The following EFCAB13 variants were observed in gnomAD, a reference collection of about 807,000 sequenced individuals.
The protein encoded by EFCAB13 is EF-hand calcium binding domain 13.
EFCAB13 carries 91 observed loss-of-function variants against 110.2 expected under a neutral mutation model. That is an observed-to-expected ratio of 0.83 (90% CI 0.70 to 0.98). EFCAB13 has a LOEUF of 0.98. EFCAB13 is among the 50% of genes least tolerant of loss of function. EFCAB13 has a pLI of 0.00. For missense variants in EFCAB13, 968 were observed against 1,119.4 expected (o/e 0.86, Z 1.93); for synonymous variants, 323 against 369.9 (o/e 0.87, Z 1.45).
intron 11 of EFCAB13, among the ~76,000 whole-genome samples, chr17:47,371,495 G>A (rs1441056997): frequency 6.6e-6 from 1 of 152,158 alleles, no homozygotes; most frequent in African/African-American, 2.4e-5. Flanking sequence ...CCTTTCCTCA[G>A]TGTATATTCT....
chr17:47,385,220 A>C (rs2065669904), intron 14 of EFCAB13, among the ~76,000 whole-genome samples: 1 of 152,092 alleles, frequency 6.6e-6, no homozygotes, highest in African/African-American at 2.4e-5. Flanking sequence ...TCTCCCAGAT[A>C]ATATCCTGAA....
At chr17:47,429,593 C>G (rs1905066587) in intron 23 of EFCAB13, among the ~76,000 whole-genome samples, 2 of 152,178 alleles carry the variant, frequency 1.3e-5, no homozygotes, top group African/African-American at 4.8e-5. Flanking sequence ...CATTTGTAAT[C>G]TGGTAAAGTG....
intron 24 of EFCAB13, among the ~76,000 whole-genome samples, chr17:47,432,271 G>A (rs371434851): frequency 8.0e-4 from 122 of 152,078 alleles, no homozygotes; most frequent in East Asian, 6.9e-3. Flanking sequence ...GGTGGCGGGC[G>A]CCTGTAGTCC....
At chr17:47,368,612 T>A (rs1268938103) in intron 10 of EFCAB13, among the ~76,000 whole-genome samples, 27 of 152,172 alleles carry the variant, frequency 1.8e-4, no homozygotes, top group Admixed American at 1.8e-3. Context: ...AGAGATGTTG[T>A]CAATGTTTAT....
chr17:47,393,755 AAAAT>A (rs1555583993), intron 15 of EFCAB13, among the ~76,000 whole-genome samples: 1 of 117,952 alleles, frequency 8.5e-6, no homozygotes, highest in Admixed American at 9.0e-5. Flanking sequence ...TAAATAAATA[AAAAT>A]AAAAATAAAT....
intron 8 of EFCAB13, 74 bp downstream of exon 8, chr17:47,345,172 G>C: frequency 9.4e-7 from 1 of 1,062,424 alleles, no homozygotes; most frequent in South Asian, 1.5e-5. Flanking sequence ...TCAGCAGTTA[G>C]TGCCTCTTCA....
chr17:47,367,211 AT>A (rs2065551938), intron 10 of EFCAB13, among the ~76,000 whole-genome samples: 1 of 152,186 alleles, frequency 6.6e-6, no homozygotes, highest in African/African-American at 2.4e-5. Flanking sequence ...TTTAGCACCA[AT>A]TTTGTCTAGC....
At chr17:47,359,621 AT>A (rs202244723) in intron 9 of EFCAB13, among the ~76,000 whole-genome samples, 12,909 of 145,336 alleles carry the variant, frequency 0.089, 793 homozygotes, top group East Asian at 0.35. Flanking sequence ...TTTTTTTTCA[AT>A]TTTTTTTTTA....
chr17:47,373,623 G>A (rs990028372), intron 11 of EFCAB13, among the ~76,000 whole-genome samples: 1 of 152,126 alleles, frequency 6.6e-6, no homozygotes, highest in Non-Finnish European at 1.5e-5. Context: ...AATCAGAAGT[G>A]TCAAAGATTA....
chr17:47,342,011 A>G lies in EFCAB13; in HGVS notation c.282A>G (p.Gln94=). 3.8e-6 allele frequency: 6 copies of G among 1,587,536 alleles called. No homozygotes were observed. Among genetic ancestry groups the G allele is most frequent in the Non-Finnish European group, 3.4e-6 (4 of 1,167,820 alleles). ...KKVGRKSLQV[Q]QHSKRTEIIP... ...TTGGGAGAAAGAGTTTACAAGTACA[A>G]CAGCACAGTAAAAGAACTGAGGTAA... is the stretch of plus-strand genomic sequence containing the variant. Residue 94 remains glutamine (Q), a synonymous_variant, in exon 6 of 25, where the codon CAA becomes CAG. Coordinates refer to ENST00000331493, the MANE Select transcript of EFCAB13 (RefSeq NM_152347.5).
intron 18 of EFCAB13, among the ~76,000 whole-genome samples, chr17:47,402,753 A>G (rs934873510): frequency 1.3e-5 from 2 of 152,212 alleles, no homozygotes; most frequent in Non-Finnish European, 2.9e-5. Context: ...CAAAGTGCCA[A>G]AATCCTCAGA....
intron 14 of EFCAB13, among the ~76,000 whole-genome samples, chr17:47,388,045 C>G (rs577077831): frequency 3.3e-5 from 5 of 152,318 alleles, no homozygotes; most frequent in African/African-American, 1.2e-4. Context: ...CAGTGTGGTA[C>G]TGCTGAACAG....
intron 9 of EFCAB13, among the ~76,000 whole-genome samples, chr17:47,360,264 T>G (rs1165982140): frequency 6.6e-6 from 1 of 152,142 alleles, no homozygotes; most frequent in African/African-American, 2.4e-5. Context: ...TGTTCCTATT[T>G]CTCCACATCC....
intron 21 of EFCAB13, among the ~76,000 whole-genome samples, chr17:47,412,055 C>T (rs936103924): frequency 6.6e-6 from 1 of 152,218 alleles, no homozygotes; most frequent in African/African-American, 2.4e-5. Context: ...GATGGCACCA[C>T]TGCACTCCAG....
At chr17:47,368,007 C>T (rs755293831) in intron 10 of EFCAB13, among the ~76,000 whole-genome samples, 3 of 152,124 alleles carry the variant, frequency 2.0e-5, no homozygotes, top group Non-Finnish European at 4.4e-5. Flanking sequence ...CAGATTCAAG[C>T]AGAGCATATC....
intron 10 of EFCAB13, among the ~76,000 whole-genome samples, chr17:47,363,848 A>G (rs1262947673): frequency 6.6e-6 from 1 of 152,192 alleles, no homozygotes; most frequent in Non-Finnish European, 1.5e-5. Flanking sequence ...ATCAGGCCAC[A>G]TGGAGTTCTC....
At chr17:47,403,196 T>G (rs2065787927) in intron 18 of EFCAB13, among the ~76,000 whole-genome samples, 1 of 152,220 alleles carries the variant, frequency 6.6e-6, no homozygotes, top group African/African-American at 2.4e-5. Context: ...ATAATAAAAC[T>G]AATTTTATTC....
chr17:47,357,043 C>T (rs567720178), intron 9 of EFCAB13, among the ~76,000 whole-genome samples: 45 of 152,324 alleles, frequency 3.0e-4, no homozygotes, highest in East Asian at 1.2e-3. Context: ...CCAGCTTCCA[C>T]GCAGCCCACA....
At chr17:47,412,490 G>GT (rs2065841245) in intron 21 of EFCAB13, among the ~76,000 whole-genome samples, 1 of 152,214 alleles carries the variant, frequency 6.6e-6, no homozygotes, top group Admixed American at 6.5e-5. Flanking sequence ...AGGGAGGCAT[G>GT]TAGCTCATTC....
Sources: gnomAD v4.1 joint callset for allele counts (sites outside exome capture counted in the v4.1 genomes callset) on GRCh38, gnomAD v4.1.1 for gene constraint, MANE v1.5 for transcripts, NCBI Gene and HGNC (gene_info 2026-07-23, HGNC 2026-07-21) for gene names.